Variants in ABCA10 observed in about 807,000 individuals in gnomAD.
ABCA10 encodes the protein ATP-binding cassette sub-family A member 10.
In ABCA10, 169 loss-of-function variants were observed where a neutral mutation model predicts 187.5. The observed-to-expected ratio is 0.90, with a 90% CI of 0.80 to 1.02. The LOEUF is 1.02. Among genes scored for constraint, ABCA10 ranks in the 50% least tolerant of loss-of-function variants. The pLI, the probability that ABCA10 is intolerant of heterozygous loss-of-function variation, is 0.00. For synonymous variants in ABCA10, 574 were observed against 601.8 expected (o/e 0.95, Z 0.68); for missense variants, 1,727 against 1,812.4 (o/e 0.95, Z 0.86).
intron 1 of ABCA10, chr17:69,234,271 G>C (rs1341108576): frequency 6.6e-6 from 1 of 152,350 alleles, no homozygotes; most frequent in East Asian, 1.9e-4. Flanking sequence ...CTAGGTCCTT[G>C]TGTGAGCAGT....
At chr17:69,225,845 T>C (rs1367656334) in intron 2 of ABCA10, among the ~76,000 whole-genome samples, 2 of 152,110 alleles carry the variant, frequency 1.3e-5, no homozygotes, top group Non-Finnish European at 2.9e-5. Flanking sequence ...ACACAGAAGA[T>C]ACTCTTGCCA....
chr17:69,232,562 C>A (rs192656236), upstream of ABCA10, among the ~76,000 whole-genome samples: 424 of 152,210 alleles, frequency 2.8e-3, 2 homozygotes, highest in African/African-American at 9.8e-3. Context: ...TTAAATTTTA[C>A]ATTTTATATT....
In ABCA10 at chr17:69,215,543, T is replaced by C. The variant is rs140913328; in HGVS notation, c.858+272A>G. On this transcript the variant is annotated intron_variant, in intron 8 of 38. Transcript: ENST00000690296. ...TCATAACCTCACATTTTACTGCCTC[T>C]TTAAAGGGGGACACAAACCAGATAT... 4.0e-4 allele frequency: 108 copies of C among 269,282 alleles called. No individual in the cohort carries two copies. In the East Asian group the frequency reaches 7.1e-3, roughly 18 times the overall value. The allele number at this position is 269,282 out of a possible 1,614,324, so 16.7% of individuals were successfully genotyped here.
intron 1 of ABCA10, among the ~76,000 whole-genome samples, chr17:69,243,131 T>C (rs1279447089): frequency 6.6e-6 from 1 of 152,226 alleles, no homozygotes; most frequent in East Asian, 1.9e-4. Flanking sequence ...TAAATTTTGA[T>C]AGTGTGAGAT....
intron 30 of ABCA10, among the ~76,000 whole-genome samples, chr17:69,154,547 C>A (rs2074159064): frequency 6.6e-6 from 1 of 151,358 alleles, no homozygotes; most frequent in Admixed American, 6.6e-5. Context: ...GCATCAGTCT[C>A]CCAGGTAGCC....
At chr17:69,159,649 GA>G (rs1269113271) in intron 27 of ABCA10, among the ~76,000 whole-genome samples, 2 of 151,696 alleles carry the variant, frequency 1.3e-5, no homozygotes, top group South Asian at 2.1e-4. Flanking sequence ...AGAACTGAAA[GA>G]AAAAAAGTAT....
chr17:69,199,921 T>C (rs149503216), intron 10 of ABCA10, among the ~76,000 whole-genome samples: 21 of 152,320 alleles, frequency 1.4e-4, no homozygotes, highest in African/African-American at 5.1e-4. Context: ...AGAATAGCTA[T>C]AAAAGTTTTC....
intron 1 of ABCA10, among the ~76,000 whole-genome samples, chr17:69,238,208 G>A (rs2074883610): frequency 6.6e-6 from 1 of 151,832 alleles, no homozygotes; most frequent in African/African-American, 2.4e-5. Flanking sequence ...TAGAAAAGAG[G>A]CATGGAACTG....
intron 1 of ABCA10, among the ~76,000 whole-genome samples, chr17:69,238,449 T>C (rs1262643400): frequency 1.3e-5 from 2 of 152,146 alleles, no homozygotes; most frequent in East Asian, 3.9e-4. Flanking sequence ...CTATTCCAAT[T>C]ACAAATCAGG....
intron 25 of ABCA10, 145 bp from the exon 26 acceptor site, chr17:69,165,228 T>C (rs2074246959): frequency 1.4e-6 from 1 of 700,442 alleles, no homozygotes; most frequent in East Asian, 2.8e-5. Context: ...GATATCCTCT[T>C]TAGGAAGTCT....
At chr17:69,227,873 T>C (rs2074806178) in intron 1 of ABCA10, among the ~76,000 whole-genome samples, 1 of 151,994 alleles carries the variant, frequency 6.6e-6, no homozygotes. Flanking sequence ...GTAAGATACA[T>C]ACAGATTAAA....
chr17:69,152,542 G>A, intron 34 of ABCA10, 61 bp from the exon 35 acceptor site: 2 of 1,541,168 alleles, frequency 1.3e-6, no homozygotes, highest in African/African-American at 1.4e-5. Flanking sequence ...TAGATAAATA[G>A]AAAAAAGCAG....
intron 25 of ABCA10, among the ~76,000 whole-genome samples, chr17:69,167,755 AT>A: frequency 1.3e-5 from 2 of 152,326 alleles, no homozygotes; most frequent in East Asian, 3.9e-4. Context: ...CTTTTGACTT[AT>A]TTTATGACAT....
chr17:69,182,835 G>GAAAAAAAAAAAA (rs60708995), intron 20 of ABCA10, 27 bp from the exon 21 acceptor site: 5 of 1,326,456 alleles, frequency 3.8e-6, no homozygotes, highest in East Asian at 2.6e-5. Flanking sequence ...AAGGCAACAA[G>GAAAAAAAAAAAA]AAAAAAAAAA....
chr17:69,165,758 T>C (rs1310257417), intron 25 of ABCA10, among the ~76,000 whole-genome samples: 2 of 152,110 alleles, frequency 1.3e-5, no homozygotes, highest in South Asian at 2.1e-4. Flanking sequence ...ATAAATATGT[T>C]AGAAATTTGG....
chr17:69,230,650 G>A (rs1368220660), upstream of ABCA10, among the ~76,000 whole-genome samples: 4 of 151,952 alleles, frequency 2.6e-5, no homozygotes, highest in Non-Finnish European at 2.9e-5. Flanking sequence ...CTGAAAGCAC[G>A]ATGGCTTTCA....
At chr17:69,237,553 G>A (rs1386934147) in intron 1 of ABCA10, among the ~76,000 whole-genome samples, 3 of 152,070 alleles carry the variant, frequency 2.0e-5, no homozygotes, top group Non-Finnish European at 2.9e-5. Context: ...TTTAAGGGTG[G>A]CACTAACTTC....
intron 9 of ABCA10, among the ~76,000 whole-genome samples, chr17:69,213,830 C>T (rs2074679747): frequency 6.6e-6 from 1 of 152,190 alleles, no homozygotes; most frequent in South Asian, 2.1e-4. Flanking sequence ...TTACAAAATT[C>T]AGCTAGGAGC....
intron 12 of ABCA10, 141 bp downstream of exon 12, chr17:69,194,244 T>C (rs2074482613): frequency 1.3e-6 from 1 of 761,852 alleles, no homozygotes; most frequent in East Asian, 2.7e-5. Flanking sequence ...CATGAATTTA[T>C]GTGCATATGA....
Sources: gnomAD v4.1 joint callset for allele counts (sites outside exome capture counted in the v4.1 genomes callset) on GRCh38, gnomAD v4.1.1 for gene constraint, MANE v1.5 for transcripts, NCBI Gene and HGNC (gene_info 2026-07-23, HGNC 2026-07-21) for gene names.